Variants in EIF2AK1 observed in about 807,000 individuals in gnomAD.
EIF2AK1 encodes the protein eukaryotic translation initiation factor 2-alpha kinase 1.
In EIF2AK1, 54 loss-of-function variants were observed where a neutral mutation model predicts 77.9. The observed-to-expected ratio is 0.69, with a 90% CI of 0.56 to 0.87. EIF2AK1 has a LOEUF of 0.87. Among genes scored for constraint, EIF2AK1 ranks in the 40% least tolerant of loss-of-function variants. The pLI, the probability that EIF2AK1 is intolerant of heterozygous loss-of-function variation, is 0.00. For missense variants in EIF2AK1, 810 were observed against 768.6 expected (o/e 1.05, Z -0.64); for synonymous variants, 314 against 290.5 (o/e 1.08, Z -0.82).
In EIF2AK1 at chr7:6,035,639, A is replaced by T; in HGVS notation, c.1332+1785T>A. 6.4e-7 allele frequency: 1 copy of T among 1,550,660 alleles called. No homozygotes were observed. The highest frequency in any genetic ancestry group is 8.7e-7 in the Non-Finnish European group (1 of 1,147,050). On this transcript the variant is annotated intron_variant, in intron 11 of 14. Coordinates refer to ENST00000199389, the MANE Select transcript of EIF2AK1 (RefSeq NM_014413.4). This position sits in a 1 kb window ranked among gnomAD's most constrained non-coding sequence, Gnocchi z 5.5. ...AAGGGGAAATCAGCAACAAACGTTC[A>T]CCACTCCACCTGGCCATAGCATATG...
chr7:6,035,707 A>C lies in EIF2AK1; in HGVS notation c.1332+1717T>G. The C allele has an allele frequency of 6.4e-7, 1 of 1,550,856 alleles. No homozygotes were observed. Among genetic ancestry groups the C allele is most frequent in the Non-Finnish European group, 8.7e-7 (1 of 1,147,074 alleles). ...TCCATTTTGACCCAAAATGGTGCCG[A>C]TGTCAATGCTATTAATGAAGCCAGC... On this transcript the variant is annotated intron_variant, in intron 11 of 14. Coordinates refer to ENST00000199389, the MANE Select transcript of EIF2AK1 (RefSeq NM_014413.4). The surrounding 1 kb of genome is among the most constrained non-coding windows in gnomAD (Gnocchi z 5.5).
intron 11 of EIF2AK1, among the ~76,000 whole-genome samples, chr7:6,029,881 G>A (rs527766445): frequency 4.9e-4 from 75 of 152,190 alleles, no homozygotes; most frequent in African/African-American, 1.6e-3. Flanking sequence ...TACTCGGGAG[G>A]CTGAGGCAGA....
At position 6,041,001 on chromosome 7, in the gene EIF2AK1, G is replaced by C. The variant is rs1376367960; in HGVS notation, c.1010C>G (p.Ser337Ter). The change falls in exon 9 of 15, where the codon TCA becomes TGA. Residue 337 changes from serine (S) to a stop codon, truncating the protein, a stop_gained. Transcript: ENST00000199389. LOFTEE classifies it high-confidence loss of function. Reference protein sequence around the residue: ...ENGLAGLSASSIVEQQLPLRR... With the variant: ...ENGLAGLSAS ...GAGTGGCAGCTGCTGTTCCACAATT[G>C]AACTGGCAGACAAACCAGCCAAGCC... is the stretch of plus-strand genomic sequence containing the variant. 3.1e-6 allele frequency: 5 copies of C among 1,614,004 alleles called. No homozygotes were observed. The highest frequency in any genetic ancestry group is 1.3e-5 in the African/African-American group (1 of 74,910).
chr7:6,037,558 AT>A, intron 10 of EIF2AK1, 34 bp from the exon 11 acceptor site: 3 of 1,365,686 alleles, frequency 2.2e-6, no homozygotes, highest in Non-Finnish European at 1.0e-6. Context: ...TATTTCTCTA[AT>A]TTTTTTACTC....
chr7:6,027,504 AAAAGCTC>A lies in EIF2AK1; in HGVS notation c.1531-550_1531-544del, dbSNP rs1162415370. Among the ~76,000 whole-genome samples, 2 of 152,186 alleles carry A rather than the reference AAAAGCTC, an allele frequency of 1.3e-5. No homozygotes were observed. The highest frequency in any genetic ancestry group is 6.5e-5 in the Admixed American group (1 of 15,272). On this transcript the variant is annotated intron_variant, in intron 13 of 14. Coordinates refer to ENST00000199389, the MANE Select transcript of EIF2AK1 (RefSeq NM_014413.4). The surrounding 1 kb of genome is among the most constrained non-coding windows in gnomAD (Gnocchi z 4.5). Reference sequence around the variant, plus strand: ...TCTGACAGCTCTTTCCTAATCACTAAAAAGCTCAATGCGCCATCAAAAGGAAGAAAAT... The same window carrying A: ...TCTGACAGCTCTTTCCTAATCACTAAAATGCGCCATCAAAAGGAAGAAAAT...
intron 14 of EIF2AK1, among the ~76,000 whole-genome samples, chr7:6,025,898 C>A (rs1787732513): frequency 1.3e-5 from 2 of 152,096 alleles, no homozygotes; most frequent in Admixed American, 6.6e-5. Context: ...CTCCCAAAAT[C>A]CCATGCCTGG....
intron 11 of EIF2AK1, among the ~76,000 whole-genome samples, chr7:6,030,489 G>C (rs756050942): frequency 6.6e-6 from 1 of 151,958 alleles, no homozygotes; most frequent in East Asian, 1.9e-4. Context: ...CATGTTTCTC[G>C]CACTACGAAA....
At chr7:6,054,731 T>A (rs1208821704) in intron 1 of EIF2AK1, 27 bp from the exon 2 acceptor site, 2 of 1,586,966 alleles carry the variant, frequency 1.3e-6, no homozygotes, top group Admixed American at 3.4e-5. Context: ...AAAATATTTT[T>A]AAATTAATGG....
At chr7:6,042,851 G>C (rs1263862110) in intron 8 of EIF2AK1, 82 bp downstream of exon 8, 1 of 1,217,890 alleles carries the variant, frequency 8.2e-7, no homozygotes, top group African/African-American at 1.5e-5. Context: ...GGGTGACAGA[G>C]CGAGACTCTG....
At position 6,029,536 on chromosome 7, in the gene EIF2AK1, C is replaced by G. The variant is rs557298136; in HGVS notation, c.1333-504G>C. ...AACATTCAACCATTCCCCAGGCCAG[C>G]TGCATCAGAACTCCTGCGGGTGAAC... On this transcript the variant is annotated intron_variant, in intron 11 of 14. Transcript: ENST00000199389. Among the ~76,000 whole-genome samples, 30 of 151,862 alleles carry G rather than the reference C, an allele frequency of 2.0e-4. 1 individual carries two copies.
intron 8 of EIF2AK1, among the ~76,000 whole-genome samples, chr7:6,041,867 G>C (rs1260021422): frequency 6.8e-6 from 1 of 147,700 alleles, no homozygotes; most frequent in Non-Finnish European, 1.5e-5. Flanking sequence ...CCAATGTATA[G>C]GTCTGGCACA....
In EIF2AK1 at chr7:6,023,989, A is replaced by G. The variant is rs749390730; in HGVS notation, c.*684T>C. 1,544 of 1,361,400 alleles carry G rather than the reference A, an allele frequency of 1.1e-3. 29 individuals carry two copies. The highest frequency in any genetic ancestry group is 3.9e-4 in the Middle Eastern group (2 of 5,124). The allele number at this position is 1,361,400 out of a possible 1,614,324, so 84.3% of individuals were successfully genotyped here. A position where few individuals can be genotyped will look rare whatever the true frequency, so the allele number is the denominator to read the frequency against. ...GATTGGCTGGGGAGCTGAGTGCTAC[A>G]ATAAAGGAGGAAGTACCGGGGAACA... is the stretch of plus-strand genomic sequence containing the variant. On this transcript the variant is annotated 3_prime_UTR_variant, in exon 15 of 15. Coordinates refer to ENST00000199389, the MANE Select transcript of EIF2AK1 (RefSeq NM_014413.4).
chr7:6,050,542 C>T (rs1033514808), intron 2 of EIF2AK1, among the ~76,000 whole-genome samples: 2 of 151,206 alleles, frequency 1.3e-5, no homozygotes, highest in African/African-American at 4.9e-5. Context: ...GAATGATTCT[C>T]TAAAAGAGAA....
intron 2 of EIF2AK1, among the ~76,000 whole-genome samples, chr7:6,054,268 T>C (rs765118462): frequency 6.6e-6 from 1 of 151,868 alleles, no homozygotes; most frequent in Non-Finnish European, 1.5e-5. Flanking sequence ...GCAGTGGCGC[T>C]ATCTCGGCTC....
chr7:6,055,604 A>G (rs568293570), intron 1 of EIF2AK1, among the ~76,000 whole-genome samples: 18 of 151,790 alleles, frequency 1.2e-4, no homozygotes, highest in Admixed American at 1.1e-3. Flanking sequence ...CCATGCAGAC[A>G]GACGAGTTGG....
intron 3 of EIF2AK1, among the ~76,000 whole-genome samples, chr7:6,049,264 G>C (rs1293654402): frequency 6.6e-6 from 1 of 152,094 alleles, no homozygotes; most frequent in Non-Finnish European, 1.5e-5. Context: ...CATAAATTAG[G>C]TAGGGCGCGG....
At chr7:6,046,957 G>T in intron 5 of EIF2AK1, 35 bp downstream of exon 5, 1 of 1,488,334 alleles carries the variant, frequency 6.7e-7, no homozygotes, top group South Asian at 1.2e-5. Context: ...CAATTATTTA[G>T]GGTAGTAGGT....
intron 1 of EIF2AK1, among the ~76,000 whole-genome samples, chr7:6,058,719 G>C (rs1485996744): frequency 3.9e-5 from 6 of 152,210 alleles, no homozygotes; most frequent in African/African-American, 9.6e-5. Context: ...AGTCCCCAGA[G>C]AGGAAACCAA....
At chr7:6,051,265 T>C (rs1788600739) in intron 2 of EIF2AK1, among the ~76,000 whole-genome samples, 1 of 150,730 alleles carries the variant, frequency 6.6e-6, no homozygotes, top group Non-Finnish European at 1.5e-5. Flanking sequence ...GGACATTTTT[T>C]TTTCTTTCTT....
Sources: allele counts gnomAD v4.1 joint callset (sites outside exome capture counted in the v4.1 genomes callset), GRCh38; gene constraint gnomAD v4.1.1; non-coding constraint Gnocchi (gnomAD v3.1); transcripts MANE v1.5; gene names NCBI Gene and HGNC (gene_info 2026-07-23, HGNC 2026-07-21).